The following MGAT4C variants were observed in gnomAD, a reference collection of about 807,000 sequenced individuals.
MGAT4C encodes the protein MGAT4 family member C.
Under a neutral mutation model 40.1 loss-of-function variants are expected in MGAT4C, and 19 were observed. That is an observed-to-expected ratio of 0.47 (90% confidence interval 0.33 to 0.70). The LOEUF (loss-of-function observed/expected upper bound fraction) is 0.70, where lower values mean the gene tolerates loss of function less well. Ranked by LOEUF, MGAT4C falls within the 30% of genes least tolerant of loss-of-function variation. The probability of loss-of-function intolerance (pLI) is 0.02; values close to 1 mark genes in which losing one functional copy is unlikely to be tolerated. For synonymous variants in MGAT4C, 181 were observed against 187.1 expected (o/e 0.97, Z 0.27); for missense variants, 491 against 563.2 (o/e 0.87, Z 1.30).
chr12:86,559,750 C>T (rs1959778250), intron 2 of MGAT4C, among the ~76,000 whole-genome samples: 1 of 151,504 alleles, frequency 6.6e-6, no homozygotes, highest in Non-Finnish European at 1.5e-5. Flanking sequence ...ACAAGAAAAG[C>T]AAGAACAAAA....
intron 1 of MGAT4C, among the ~76,000 whole-genome samples, chr12:86,157,705 A>G (rs974931080): frequency 5.9e-5 from 9 of 152,190 alleles, no homozygotes; most frequent in African/African-American, 2.2e-4. Flanking sequence ...GAAGGAAAAG[A>G]AAGACACATC....
chr12:86,530,723 T>G (rs1446649443), intron 2 of MGAT4C, among the ~76,000 whole-genome samples: 1 of 151,936 alleles, frequency 6.6e-6, no homozygotes, highest in African/African-American at 2.4e-5. Flanking sequence ...CATAAACAAT[T>G]TGTTCACTAT....
At chr12:86,178,583 C>G (rs1887751320) in intron 1 of MGAT4C, among the ~76,000 whole-genome samples, 1 of 152,304 alleles carries the variant, frequency 6.6e-6, no homozygotes, top group South Asian at 2.1e-4. Context: ...CTGCAGAAAT[C>G]TTCCTCCCAA....
At chr12:86,075,153 T>C (rs919689327) in intron 1 of MGAT4C, among the ~76,000 whole-genome samples, 1 of 152,166 alleles carries the variant, frequency 6.6e-6, no homozygotes, top group African/African-American at 2.4e-5. Context: ...AGCGAGCTTG[T>C]TACCTCCTAG....
rs58352727 is a variant in MGAT4C, at chr12:86,363,972, T to TCACACA, written c.-119-29851_-119-29846dup. Among the ~76,000 whole-genome samples the TCACACA allele has an allele frequency of 3.1e-3, 458 of 148,786 alleles. 1 individual carries two copies. The highest frequency in any genetic ancestry group is 6.9e-3 in the Middle Eastern group (2 of 290). ...CTTTCTCACTCTCTCTCTCTCTCTC[T>TCACACA]CACACACACACACACACACAGAGAC... On this transcript the variant is annotated intron_variant, in intron 3 of 7. Transcript: ENST00000548651.
At chr12:86,131,275 T>G (rs1881136790) in intron 1 of MGAT4C, among the ~76,000 whole-genome samples, 1 of 152,092 alleles carries the variant, frequency 6.6e-6, no homozygotes, top group South Asian at 2.1e-4. Flanking sequence ...ATAGTACATA[T>G]AATATTCTGG....
intron 2 of MGAT4C, among the ~76,000 whole-genome samples, chr12:86,597,522 G>C (rs1052970246): frequency 4.6e-5 from 7 of 152,180 alleles, no homozygotes; most frequent in African/African-American, 1.7e-4. Flanking sequence ...TGTAGACTCT[G>C]TTAAAAGATT....
chr12:86,129,434 T>C (rs1343801781), intron 1 of MGAT4C, among the ~76,000 whole-genome samples: 4 of 151,974 alleles, frequency 2.6e-5, no homozygotes, highest in Non-Finnish European at 5.9e-5. Context: ...TAAGGCTCAC[T>C]AGCCACAGAG....
At chr12:86,166,319 C>T (rs1038014282) in intron 1 of MGAT4C, among the ~76,000 whole-genome samples, 1 of 152,080 alleles carries the variant, frequency 6.6e-6, no homozygotes, top group Non-Finnish European at 1.5e-5. Context: ...AATTTTACTT[C>T]TGAAAGGGAA....
chr12:86,132,653 A>G (rs545250387), intron 1 of MGAT4C, among the ~76,000 whole-genome samples: 6 of 152,124 alleles, frequency 3.9e-5, no homozygotes, highest in African/African-American at 1.2e-4. Flanking sequence ...TTAGCTGGGC[A>G]TGGTGGCGGA....
intron 2 of MGAT4C, among the ~76,000 whole-genome samples, chr12:86,446,615 C>A (rs1401302726): frequency 7.6e-6 from 1 of 131,794 alleles, no homozygotes; most frequent in Non-Finnish European, 1.6e-5. Context: ...TGTTCATATA[C>A]GATGAAAACT....
chr12:86,822,798 T>C (rs1952729428), intron 1 of MGAT4C, among the ~76,000 whole-genome samples: 1 of 151,084 alleles, frequency 6.6e-6, no homozygotes, highest in South Asian at 2.1e-4. Flanking sequence ...TGAACAACAC[T>C]ATCAACTAAC....
intron 2 of MGAT4C, among the ~76,000 whole-genome samples, chr12:86,584,676 ATACTT>A (rs1296753546): frequency 6.6e-6 from 1 of 151,392 alleles, no homozygotes; most frequent in African/African-American, 2.4e-5. Context: ...ATGCGTATAT[ATACTT>A]TAATGTTTAA....
At chr12:86,146,404 C>G (rs186411772) in intron 1 of MGAT4C, among the ~76,000 whole-genome samples, 38 of 152,246 alleles carry the variant, frequency 2.5e-4, no homozygotes, top group African/African-American at 9.1e-4. Context: ...AGATGAGATA[C>G]AGTTTTCTTC....
At chr12:86,271,167 GC>G (rs1269000653) in intron 4 of MGAT4C, among the ~76,000 whole-genome samples, 2 of 152,134 alleles carry the variant, frequency 1.3e-5, no homozygotes, top group East Asian at 3.8e-4. Flanking sequence ...GACAAGTGGG[GC>G]TATATTAAAC....
At chr12:86,525,358 G>T (rs1339534122) in intron 2 of MGAT4C, among the ~76,000 whole-genome samples, 2 of 152,164 alleles carry the variant, frequency 1.3e-5, no homozygotes, top group African/African-American at 2.4e-5. Flanking sequence ...CAGTCACATG[G>T]AACTGGAAGT....
At chr12:86,486,392 A>G (rs1385523897) in intron 2 of MGAT4C, among the ~76,000 whole-genome samples, 1 of 151,014 alleles carries the variant, frequency 6.6e-6, no homozygotes, top group Non-Finnish European at 1.5e-5. Context: ...ACACACACAC[A>G]CACACACACA....
intron 2 of MGAT4C, among the ~76,000 whole-genome samples, chr12:86,479,565 T>A (rs989655370): frequency 3.9e-5 from 6 of 152,126 alleles, no homozygotes; most frequent in East Asian, 1.9e-4. Context: ...CTATTTTTTT[T>A]ATACTTGAAA....
At chr12:86,488,126 G>T (rs1958056603) in intron 2 of MGAT4C, among the ~76,000 whole-genome samples, 13 of 151,866 alleles carry the variant, frequency 8.6e-5, no homozygotes, top group Admixed American at 7.9e-4. Flanking sequence ...GCTCATGCTT[G>T]TTATCTCAAC....
Sources: allele counts gnomAD v4.1 joint callset (sites outside exome capture counted in the v4.1 genomes callset), GRCh38; gene constraint gnomAD v4.1.1; transcripts MANE v1.5; gene names NCBI Gene and HGNC (gene_info 2026-07-23, HGNC 2026-07-21).